KCNH7: variants seen among roughly 807,000 people sequenced by gnomAD.
KCNH7 encodes the protein voltage-gated inwardly rectifying potassium channel KCNH7.
Under a neutral mutation model 120.8 loss-of-function variants are expected in KCNH7, and 49 were observed. That is an observed-to-expected ratio of 0.41 (90% CI 0.32 to 0.51). KCNH7 has a LOEUF of 0.51. Among genes scored for constraint, KCNH7 ranks in the 20% least tolerant of loss-of-function variants. The probability of loss-of-function intolerance (pLI) is 0.38; values close to 1 mark genes in which losing one functional copy is unlikely to be tolerated. For synonymous variants in KCNH7, 547 were observed against 516.1 expected (o/e 1.06, Z -0.81); for missense variants, 1,097 against 1,446.6 (o/e 0.76, Z 3.92).
At chr2:162,665,959 A>G (rs892023670) in intron 2 of KCNH7, among the ~76,000 whole-genome samples, 1 of 152,226 alleles carries the variant, frequency 6.6e-6, no homozygotes. Flanking sequence ...CATGGTACAC[A>G]TATAACACTG....
chr2:162,514,715 C>A (rs1380247814), intron 4 of KCNH7, among the ~76,000 whole-genome samples: 4 of 151,544 alleles, frequency 2.6e-5, no homozygotes, highest in African/African-American at 9.7e-5. Context: ...ATTGGCTTCA[C>A]AAATGTATTG....
At position 162,635,309 on chromosome 2, in the gene KCNH7, G is replaced by A. The variant is rs1322397815; in HGVS notation, c.308-98229C>T. 2.6e-5 allele frequency among the ~76,000 whole-genome samples: 4 copies of A among 152,022 alleles called. No individual in the cohort carries two copies. The South Asian group carries it at 8.3e-4, about 32-fold the overall frequency. Reference sequence around the variant, plus strand: ...TTTCAAAATCCAGTGGCAGAGAAATGAAATGAAGTTGCCATTCTTGGGAAT... The same window carrying A: ...TTTCAAAATCCAGTGGCAGAGAAATAAAATGAAGTTGCCATTCTTGGGAAT... On this transcript the variant is annotated intron_variant, in intron 2 of 15. Transcript: ENST00000332142.
At chr2:162,571,261 A>G (rs1351505071) in intron 2 of KCNH7, among the ~76,000 whole-genome samples, 1 of 152,148 alleles carries the variant, frequency 6.6e-6, no homozygotes, top group South Asian at 2.1e-4. Flanking sequence ...ACAGACAAAC[A>G]GAGAGCCAAA....
intron 12 of KCNH7, among the ~76,000 whole-genome samples, chr2:162,391,263 C>T (rs983461456): frequency 5.3e-5 from 8 of 152,074 alleles, no homozygotes; most frequent in Non-Finnish European, 1.0e-4. Context: ...CATGAATGAT[C>T]CCCTGAAAGT....
chr2:162,698,368 C>G (rs1686368535), intron 2 of KCNH7, among the ~76,000 whole-genome samples: 1 of 151,390 alleles, frequency 6.6e-6, no homozygotes, highest in African/African-American at 2.4e-5. Flanking sequence ...GCCTGTGACT[C>G]TTTTCTCTGG....
intron 12 of KCNH7, among the ~76,000 whole-genome samples, chr2:162,385,556 A>G (rs1458361849): frequency 6.6e-6 from 1 of 151,954 alleles, no homozygotes; most frequent in Non-Finnish European, 1.5e-5. Flanking sequence ...TAAAGCTGGT[A>G]GTGCATATTG....
At chr2:162,726,066 C>T (rs375607949) in intron 2 of KCNH7, among the ~76,000 whole-genome samples, 3 of 152,274 alleles carry the variant, frequency 2.0e-5, no homozygotes. Flanking sequence ...GACACTAGTC[C>T]ACTCATTGCA....
intron 2 of KCNH7, among the ~76,000 whole-genome samples, chr2:162,811,740 T>C (rs997185905): frequency 2.0e-5 from 3 of 152,102 alleles, no homozygotes; most frequent in Non-Finnish European, 2.9e-5. Context: ...TTGGAGGAAT[T>C]GGGTATTTTT....
At chr2:162,688,181 G>A (rs892719960) in intron 2 of KCNH7, among the ~76,000 whole-genome samples, 5 of 152,062 alleles carry the variant, frequency 3.3e-5, no homozygotes, top group Non-Finnish European at 7.4e-5. Flanking sequence ...TAAATAATCT[G>A]GTTCAACTCA....
chr2:162,619,007 G>T (rs1294695423), intron 2 of KCNH7, among the ~76,000 whole-genome samples: 6 of 152,116 alleles, frequency 3.9e-5, no homozygotes, highest in African/African-American at 1.4e-4. Context: ...CAGAGACAAA[G>T]AGGTGAAGTA....
chr2:162,574,421 A>G (rs932092473), intron 2 of KCNH7, among the ~76,000 whole-genome samples: 22 of 152,016 alleles, frequency 1.4e-4, no homozygotes, highest in African/African-American at 5.1e-4. Flanking sequence ...GAGAAGAACA[A>G]AAACTCAATT....
chr2:162,807,280 A>AAAAAAAAAAAAAAAAAAC (rs1559143095), intron 2 of KCNH7, among the ~76,000 whole-genome samples: 2 of 144,446 alleles, frequency 1.4e-5, no homozygotes, highest in South Asian at 2.3e-4. Flanking sequence ...AAAAAAAAAA[A>AAAAAAAAAAAAAAAAAAC]AAACAAATTA....
In KCNH7 at chr2:162,668,555, T is replaced by A. The variant is rs113327037; in HGVS notation, c.308-131475A>T. Among the ~76,000 whole-genome samples the A allele has an allele frequency of 7.4e-3, 1,131 of 152,134 alleles. 14 individuals are homozygous for A. The highest frequency in any genetic ancestry group is 0.025 in the African/African-American group (1,051 of 41,492). On this transcript the variant is annotated intron_variant, in intron 2 of 15. Coordinates refer to ENST00000332142, the MANE Select transcript of KCNH7 (RefSeq NM_033272.4). ...AATACAGAACAAAAGTGATACAGGG[T>A]TTCACCTAGCTTTCCCTAGGGCTTG...
At chr2:162,666,608 A>G (rs1685141704) in intron 2 of KCNH7, among the ~76,000 whole-genome samples, 1 of 152,090 alleles carries the variant, frequency 6.6e-6, no homozygotes, top group Non-Finnish European at 1.5e-5. Context: ...TGTAGCTACA[A>G]TAAGTGTTTT....
chr2:162,375,195 G>A (rs1029559910), intron 14 of KCNH7, among the ~76,000 whole-genome samples: 1 of 152,094 alleles, frequency 6.6e-6, no homozygotes, highest in African/African-American at 2.4e-5. Context: ...ATTACTAACA[G>A]CATTCAGTTG....
intron 2 of KCNH7, among the ~76,000 whole-genome samples, chr2:162,807,256 C>CA (rs745345993): frequency 0.17 from 2,611 of 15,566 alleles, 166 homozygotes; most frequent in Non-Finnish European, 0.32. Flanking sequence ...ACTAAAAATA[C>CA]AAAAAAAAAA....
intron 5 of KCNH7, among the ~76,000 whole-genome samples, chr2:162,511,155 AG>A (rs1228447656): frequency 6.6e-6 from 1 of 151,746 alleles, no homozygotes; most frequent in Non-Finnish European, 1.5e-5. Flanking sequence ...TGAGAAAAAA[AG>A]GTTGGAGAGT....
intron 9 of KCNH7, among the ~76,000 whole-genome samples, chr2:162,415,867 T>C (rs1322327313): frequency 1.3e-5 from 2 of 152,198 alleles, no homozygotes; most frequent in Non-Finnish European, 2.9e-5. Context: ...GACCACTGTC[T>C]ACATGCTTCC....
intron 2 of KCNH7, among the ~76,000 whole-genome samples, chr2:162,606,384 T>G (rs1312885945): frequency 6.6e-6 from 1 of 152,152 alleles, no homozygotes; most frequent in Non-Finnish European, 1.5e-5. Context: ...GAATTTATTG[T>G]GTTAATTAAA....
Sources: gnomAD v4.1 joint callset for allele counts (sites outside exome capture counted in the v4.1 genomes callset) on GRCh38, gnomAD v4.1.1 for gene constraint, MANE v1.5 for transcripts, NCBI Gene and HGNC (gene_info 2026-07-23, HGNC 2026-07-21) for gene names.